KIF13A: variants seen among roughly 807,000 people sequenced by gnomAD.
KIF13A encodes the protein kinesin-like protein KIF13A.
KIF13A carries 79 observed loss-of-function variants against 212.2 expected under a neutral mutation model. The ratio of observed to expected loss-of-function variants is 0.37; its 90% CI spans 0.31 to 0.45. The LOEUF (loss-of-function observed/expected upper bound fraction) is 0.45. Among genes scored for constraint, KIF13A ranks in the 20% least tolerant of loss-of-function variants. The pLI is 1.00. For synonymous variants in KIF13A, 789 were observed against 808.6 expected (o/e 0.98, Z 0.41); for missense variants, 1,901 against 2,209.0 (o/e 0.86, Z 2.79).
intron 2 of KIF13A, among the ~76,000 whole-genome samples, chr6:17,913,246 T>C (rs1015174642): frequency 6.6e-6 from 1 of 152,176 alleles, no homozygotes; most frequent in Admixed American, 6.5e-5. Flanking sequence ...GGAATGTAGC[T>C]GTTCCCAGGA....
chr6:17,882,027 TG>T (rs1273625715), intron 3 of KIF13A: 5 of 456,726 alleles, frequency 1.1e-5, no homozygotes, highest in Middle Eastern at 6.5e-4. Context: ...AGATCTTCTA[TG>T]TTCCCTGCAG....
At chr6:17,767,623 C>T (rs1759131195) in intron 38 of KIF13A, among the ~76,000 whole-genome samples, 1 of 152,168 alleles carries the variant, frequency 6.6e-6, no homozygotes. Flanking sequence ...ACACAATTCT[C>T]CAAGTCCAAG....
intron 2 of KIF13A, among the ~76,000 whole-genome samples, chr6:17,959,891 C>T (rs545465526): frequency 4.6e-5 from 7 of 152,110 alleles, no homozygotes; most frequent in African/African-American, 7.2e-5. Flanking sequence ...GGTGTGGTGG[C>T]GCATGCCTGT....
chr6:17,965,189 A>G (rs943076892), intron 2 of KIF13A, among the ~76,000 whole-genome samples: 1 of 152,214 alleles, frequency 6.6e-6, no homozygotes, highest in African/African-American at 2.4e-5. Context: ...AAGCTTTCCA[A>G]GAAGTCTGGA....
chr6:17,880,624 T>C (rs1368861149), intron 3 of KIF13A, among the ~76,000 whole-genome samples: 5 of 98,334 alleles, frequency 5.1e-5, no homozygotes, highest in Non-Finnish European at 7.8e-5. Context: ...CGAGACTCTG[T>C]CTCAAAAAAA....
Position 17,968,488 on chromosome 6 carries a change from GTATAGCTCTGGCAGTACAGGAAA to G in KIF13A, c.146+18543_146+18565del, listed in dbSNP as rs1211937950. 4.6e-5 allele frequency among the ~76,000 whole-genome samples: 7 copies of G among 152,280 alleles called. No individual in the cohort carries two copies. The highest frequency in any genetic ancestry group is 1.0e-4 in the Non-Finnish European group (7 of 68,012). On this transcript the variant is annotated intron_variant, in intron 2 of 38. Transcript: ENST00000259711. This position sits in a 1 kb window ranked among gnomAD's most constrained non-coding sequence, Gnocchi z 4.7. Reference sequence around the variant, plus strand: ...CTGGGACCACACACCACCTCTGGGTGTATAGCTCTGGCAGTACAGGAAATGAAACATCCCGACCTCACAACTTT... The same window carrying G: ...CTGGGACCACACACCACCTCTGGGTGTGAAACATCCCGACCTCACAACTTT...
chr6:17,828,204 C>T lies in KIF13A; in HGVS notation c.1532+36G>A, dbSNP rs1254928739. On this transcript the variant is annotated intron_variant, in intron 14 of 38. Coordinates refer to ENST00000259711, the MANE Select transcript of KIF13A (RefSeq NM_022113.6). The surrounding 1 kb of genome is among the most constrained non-coding windows in gnomAD (Gnocchi z 4.3). The stretch of plus-strand genomic sequence containing the variant: ...GCCTTCTCCTTCTGAAAATAAGGCA[C>T]ACAAGACACGTGAAGTCACCATTTA... 1 of 1,595,870 alleles carries T rather than the reference C, an allele frequency of 6.3e-7. No individual in the cohort carries two copies. The highest frequency in any genetic ancestry group is 2.3e-5 in the East Asian group (1 of 44,396).
chr6:17,890,188 CA>C (rs71002280), intron 3 of KIF13A, among the ~76,000 whole-genome samples: 81 of 123,478 alleles, frequency 6.6e-4, no homozygotes, highest in Admixed American at 1.2e-3. Context: ...AACTTCGTCT[CA>C]AAAAAAAAAA....
At chr6:17,875,115 A>G (rs1770428063) in intron 3 of KIF13A, among the ~76,000 whole-genome samples, 1 of 151,860 alleles carries the variant, frequency 6.6e-6, no homozygotes, top group African/African-American at 2.4e-5. Flanking sequence ...ATAAACATGC[A>G]TGTGCAAGTA....
downstream of KIF13A, among the ~76,000 whole-genome samples, chr6:17,761,900 T>G (rs1758603422): frequency 6.6e-6 from 1 of 151,970 alleles, no homozygotes; most frequent in Non-Finnish European, 1.5e-5. Flanking sequence ...CTTCCCACAG[T>G]ATGGCCCTCA....
chr6:17,793,557 AAAG>A (rs1344187833), intron 25 of KIF13A, among the ~76,000 whole-genome samples: 2 of 152,196 alleles, frequency 1.3e-5, no homozygotes, highest in African/African-American at 4.8e-5. Context: ...TTTAACAAAA[AAAG>A]AAGTAAAGCT....
chr6:17,845,001 C>T (rs968566752), intron 9 of KIF13A, among the ~76,000 whole-genome samples: 2 of 152,034 alleles, frequency 1.3e-5, no homozygotes, highest in Non-Finnish European at 2.9e-5. Flanking sequence ...AAAGACACAC[C>T]CAAGACTGGG....
chr6:17,923,670 A>G (rs528350259), intron 2 of KIF13A, among the ~76,000 whole-genome samples: 2 of 152,292 alleles, frequency 1.3e-5, no homozygotes, highest in African/African-American at 4.8e-5. Context: ...AAGATAAATG[A>G]GAAGGGCCAG....
At chr6:17,891,148 C>T (rs1772017391) in intron 3 of KIF13A, among the ~76,000 whole-genome samples, 1 of 152,132 alleles carries the variant, frequency 6.6e-6, no homozygotes, top group African/African-American at 2.4e-5. Context: ...GCTTGCTTTT[C>T]TGTTTAAAAG....
rs377233808 is a variant in KIF13A, at chr6:17,773,473, A to G, written c.4324+5T>C. 6.6e-7 allele frequency: 1 copy of G among 1,519,328 alleles called. No homozygotes were observed. The highest frequency in any genetic ancestry group is 9.1e-7 in the Non-Finnish European group (1 of 1,095,684). The allele number at this position is 1,519,328 out of a possible 1,614,324, so 94.1% of individuals were successfully genotyped here. A position where few individuals can be genotyped will look rare whatever the true frequency, so the allele number is the denominator to read the frequency against. ...AATATCACTGCAAAATAATCTCACC[A>G]CTACCTTCTTTATTCCTTCGAGGAG... On this transcript the variant is annotated splice_donor_5th_base_variant and intron_variant, in intron 36 of 38. Coordinates refer to ENST00000259711, the MANE Select transcript of KIF13A (RefSeq NM_022113.6). This position sits in a 1 kb window ranked among gnomAD's most constrained non-coding sequence, Gnocchi z 4.2.
intron 20 of KIF13A, 85 bp downstream of exon 20, chr6:17,804,274 AAC>A: frequency 7.9e-7 from 1 of 1,264,784 alleles, no homozygotes; most frequent in Non-Finnish European, 1.1e-6. Flanking sequence ...CCACCTCAAG[AAC>A]ATAGCTTAAA....
chr6:17,892,736 G>A lies in KIF13A; in HGVS notation c.159+5432C>T, dbSNP rs942247227. ...ATCCCTAAACTACAAGGATGGGAGAGCATCTGGGTTGCTGAACACAAGAAG... is the reference window on the plus strand; with the variant it reads ...ATCCCTAAACTACAAGGATGGGAGAACATCTGGGTTGCTGAACACAAGAAG... On this transcript the variant is annotated intron_variant, in intron 3 of 38. Transcript: ENST00000259711. The surrounding 1 kb of genome is among the most constrained non-coding windows in gnomAD (Gnocchi z 4.7). Among the ~76,000 whole-genome samples, 4 of 152,208 alleles carry A rather than the reference G, an allele frequency of 2.6e-5. No homozygotes were observed. Among genetic ancestry groups the A allele is most frequent in the African/African-American group, 9.6e-5 (4 of 41,466 alleles).
At chr6:17,854,001 T>C (rs957468044) in intron 6 of KIF13A, among the ~76,000 whole-genome samples, 3 of 152,246 alleles carry the variant, frequency 2.0e-5, no homozygotes, top group African/African-American at 7.2e-5. Flanking sequence ...TATTACTCTT[T>C]ATGCCTTACA....
rs1485694892 is a variant in KIF13A, at chr6:17,769,407, C to T, written c.4581+1707G>A. Among the ~76,000 whole-genome samples, 1 of 152,154 alleles carries T rather than the reference C, an allele frequency of 6.6e-6. No homozygotes were observed. The highest frequency in any genetic ancestry group is 1.5e-5 in the Non-Finnish European group (1 of 68,030). On this transcript the variant is annotated intron_variant, in intron 38 of 38. Coordinates refer to ENST00000259711, the MANE Select transcript of KIF13A (RefSeq NM_022113.6). This position sits in a 1 kb window ranked among gnomAD's most constrained non-coding sequence, Gnocchi z 5.8. ...GCAAGAACAATAACACCATCAAGTC[C>T]TTCTTACTGTACTCCATGGTGCATT...
Sources: allele counts gnomAD v4.1 joint callset (sites outside exome capture counted in the v4.1 genomes callset), GRCh38; gene constraint gnomAD v4.1.1; non-coding constraint Gnocchi (gnomAD v3.1); transcripts MANE v1.5; gene names NCBI Gene and HGNC (gene_info 2026-07-23, HGNC 2026-07-21).